HMBOX1: variants seen among roughly 807,000 people sequenced by gnomAD.
HMBOX1 encodes the protein homeobox containing 1.
In HMBOX1, 14 loss-of-function variants were observed where a neutral mutation model predicts 54.5. That is an observed-to-expected ratio of 0.26 (90% CI 0.17 to 0.40). HMBOX1 has a LOEUF of 0.40. Ranked by LOEUF, HMBOX1 falls within the 10% of genes least tolerant of loss-of-function variation. HMBOX1 has a pLI of 1.00. For missense variants in HMBOX1, 332 were observed against 514.4 expected, an observed-to-expected ratio of 0.65 and a Z score of 3.43; for synonymous variants, 160 against 181.0, an observed-to-expected ratio of 0.88 and a Z score of 0.93.
intron 6 of HMBOX1, among the ~76,000 whole-genome samples, chr8:29,032,986 C>T (rs1310932732): frequency 6.6e-6 from 1 of 152,134 alleles, no homozygotes; most frequent in East Asian, 1.9e-4. Context: ...AGGAAAATTA[C>T]TTTTGAATGC....
intron 9 of HMBOX1, 131 bp from the exon 10 acceptor site, chr8:29,050,887 C>G (rs192356878): frequency 1.3e-6 from 1 of 750,696 alleles, no homozygotes; most frequent in Non-Finnish European, 2.1e-6. Flanking sequence ...CAATTTACCT[C>G]TATTTTATCA....
At chr8:28,935,035 CA>C (rs1456551258) in intron 1 of HMBOX1, among the ~76,000 whole-genome samples, 1 of 151,732 alleles carries the variant, frequency 6.6e-6, no homozygotes, top group African/African-American at 2.4e-5. Flanking sequence ...ATAGTGGCAT[CA>C]AAAAATGAAA....
chr8:28,961,393 A>G (rs1235352994), intron 1 of HMBOX1, among the ~76,000 whole-genome samples: 1 of 152,040 alleles, frequency 6.6e-6, no homozygotes, highest in Non-Finnish European at 1.5e-5. Context: ...TTTACCCACC[A>G]TGCTACTTTC....
At chr8:28,957,290 A>G (rs1212792034) in intron 1 of HMBOX1, among the ~76,000 whole-genome samples, 1 of 152,206 alleles carries the variant, frequency 6.6e-6, no homozygotes, top group Non-Finnish European at 1.5e-5. Context: ...CCATTATCCT[A>G]TGTGAATTAA....
chr8:28,995,013 TA>T (rs1831580645), intron 4 of HMBOX1, among the ~76,000 whole-genome samples: 1 of 151,972 alleles, frequency 6.6e-6, no homozygotes, highest in African/African-American at 2.4e-5. Flanking sequence ...TAAACAAAAA[TA>T]TAAGAAAAAC....
intron 1 of HMBOX1, among the ~76,000 whole-genome samples, chr8:28,956,369 G>C (rs2132185161): frequency 6.7e-6 from 1 of 149,070 alleles, no homozygotes; most frequent in Admixed American, 6.7e-5. Flanking sequence ...TTTATCTTTT[G>C]AAGTTTCTGG....
intron 3 of HMBOX1, among the ~76,000 whole-genome samples, chr8:28,971,681 A>T (rs976585191): frequency 2.0e-5 from 3 of 152,226 alleles, no homozygotes; most frequent in African/African-American, 7.2e-5. Context: ...GATGGGTAAG[A>T]CAATGTAATA....
intron 1 of HMBOX1, among the ~76,000 whole-genome samples, chr8:28,940,104 G>A (rs549900394): frequency 1.3e-5 from 2 of 152,154 alleles, no homozygotes; most frequent in Non-Finnish European, 2.9e-5. Flanking sequence ...CATCTCCTGG[G>A]TTCAAGCAAT....
At chr8:28,947,560 T>G (rs1489442405) in intron 1 of HMBOX1, among the ~76,000 whole-genome samples, 1 of 152,136 alleles carries the variant, frequency 6.6e-6, no homozygotes, top group Non-Finnish European at 1.5e-5. Context: ...GAAGTACAAT[T>G]TAGTGGATGC....
intron 1 of HMBOX1, among the ~76,000 whole-genome samples, chr8:28,896,511 T>C (rs1812155118): frequency 6.7e-6 from 1 of 148,874 alleles, no homozygotes; most frequent in Non-Finnish European, 1.5e-5. Flanking sequence ...TAACCAATTA[T>C]TGGATCAGTA....
intron 6 of HMBOX1, among the ~76,000 whole-genome samples, chr8:29,036,645 T>G (rs930460876): frequency 6.6e-6 from 1 of 152,190 alleles, no homozygotes; most frequent in African/African-American, 2.4e-5. Flanking sequence ...CCAGGAACTC[T>G]TGTGAAATTA....
chr8:29,008,564 A>G (rs1833795972), intron 4 of HMBOX1, among the ~76,000 whole-genome samples: 1 of 152,218 alleles, frequency 6.6e-6, no homozygotes, highest in Admixed American at 6.5e-5. Flanking sequence ...TAAGCCAAAA[A>G]AAAACCTTAT....
intron 8 of HMBOX1, among the ~76,000 whole-genome samples, chr8:29,048,148 C>T (rs1805877319): frequency 1.3e-5 from 2 of 151,908 alleles, no homozygotes; most frequent in Non-Finnish European, 2.9e-5. Flanking sequence ...TATTAGGAAA[C>T]AATTGATTAA....
intron 2 of HMBOX1, among the ~76,000 whole-genome samples, chr8:28,967,234 T>C (rs1826586032): frequency 6.6e-6 from 1 of 152,190 alleles, no homozygotes; most frequent in Non-Finnish European, 1.5e-5. Flanking sequence ...TTACGAGTGA[T>C]AGCCCAAGAA....
chr8:29,036,771 C>CA (rs774572269), intron 6 of HMBOX1, among the ~76,000 whole-genome samples: 5 of 152,182 alleles, frequency 3.3e-5, no homozygotes, highest in Non-Finnish European at 5.9e-5. Flanking sequence ...AGCCAGTGAA[C>CA]TAATAAGTCA....
At chr8:28,989,344 T>G (rs774874475) in intron 4 of HMBOX1, among the ~76,000 whole-genome samples, 2 of 152,204 alleles carry the variant, frequency 1.3e-5, no homozygotes, top group African/African-American at 2.4e-5. Context: ...TCTGTAAGTT[T>G]TATAGTTTTA....
At chr8:29,026,478 TATTAA>T (rs987169972) in intron 6 of HMBOX1, among the ~76,000 whole-genome samples, 2 of 152,162 alleles carry the variant, frequency 1.3e-5, no homozygotes, top group Non-Finnish European at 2.9e-5. Flanking sequence ...TGCTGAAAAC[TATTAA>T]ATTGTATGCC....
intron 6 of HMBOX1, among the ~76,000 whole-genome samples, chr8:29,042,461 G>A (rs888962721): frequency 6.6e-6 from 1 of 152,216 alleles, no homozygotes; most frequent in Admixed American, 6.5e-5. Flanking sequence ...GTCAGTTTGA[G>A]GGCTTGGGGT....
intron 6 of HMBOX1, among the ~76,000 whole-genome samples, chr8:29,028,793 G>A (rs1202300262): frequency 1.3e-5 from 2 of 152,168 alleles, no homozygotes; most frequent in East Asian, 1.9e-4. Context: ...AGACTCATAG[G>A]TTCAAGCTTC....
Sources: allele counts gnomAD v4.1 joint callset (sites outside exome capture counted in the v4.1 genomes callset), GRCh38; gene constraint gnomAD v4.1.1; transcripts MANE v1.5; gene names NCBI Gene and HGNC (gene_info 2026-07-23, HGNC 2026-07-21).